METTL24: variants seen among roughly 807,000 people sequenced by gnomAD.
The protein encoded by METTL24 is methyltransferase like 24, also known as probable methyltransferase-like protein 24.
METTL24 carries 29 observed loss-of-function variants against 32.7 expected under a neutral mutation model. That is an observed-to-expected ratio of 0.89 (90% CI 0.66 to 1.21). The LOEUF (loss-of-function observed/expected upper bound fraction) is 1.21, where lower values mean the gene tolerates loss of function less well. Ranked by LOEUF, METTL24 falls within the 50% of genes most tolerant of loss-of-function variation. The pLI is 0.00. For missense variants in METTL24, 439 were observed against 468.1 expected (o/e 0.94, Z 0.57); for synonymous variants, 163 against 179.5 (o/e 0.91, Z 0.73).
intron 4 of METTL24, chr6:110,253,881 A>G: frequency 2.8e-6 from 4 of 1,439,198 alleles, no homozygotes; most frequent in Non-Finnish European, 3.7e-6. Flanking sequence ...TTTCTCTCAA[A>G]CAGAGTCCCT....
chr6:110,286,692 A>G (rs962755067), intron 4 of METTL24, among the ~76,000 whole-genome samples: 1 of 152,204 alleles, frequency 6.6e-6, no homozygotes, highest in Non-Finnish European at 1.5e-5. Context: ...TGTCAACTCA[A>G]TGTCGAATTG....
intron 3 of METTL24, among the ~76,000 whole-genome samples, chr6:110,305,967 C>T (rs1246499280): frequency 1.3e-5 from 2 of 152,322 alleles, no homozygotes; most frequent in East Asian, 3.9e-4. Flanking sequence ...AAATGTGGCA[C>T]ATATCCAATA....
intron 3 of METTL24, among the ~76,000 whole-genome samples, chr6:110,306,119 G>A (rs1232772354): frequency 6.6e-6 from 1 of 151,076 alleles, no homozygotes; most frequent in Non-Finnish European, 1.5e-5. Flanking sequence ...GAACATATGG[G>A]CACAGGGAGG....
intron 1 of METTL24, among the ~76,000 whole-genome samples, chr6:110,345,490 A>G (rs1041173639): frequency 2.0e-5 from 3 of 152,252 alleles, no homozygotes; most frequent in Non-Finnish European, 4.4e-5. Context: ...TGTTCATTGC[A>G]GCCCTATTCA....
intron 2 of METTL24, among the ~76,000 whole-genome samples, chr6:110,316,081 T>C (rs1454472873): frequency 6.6e-6 from 1 of 152,126 alleles, no homozygotes; most frequent in Non-Finnish European, 1.5e-5. Flanking sequence ...CAAGTGAAAG[T>C]AATAGGCAGT....
intron 4 of METTL24, among the ~76,000 whole-genome samples, chr6:110,269,905 T>A (rs183799770): frequency 5.9e-5 from 9 of 152,316 alleles, no homozygotes; most frequent in Admixed American, 5.2e-4. Flanking sequence ...TTGAGATTTC[T>A]CCTCTCTGAC....
intron 1 of METTL24, among the ~76,000 whole-genome samples, chr6:110,324,070 G>A (rs570871386): frequency 4.6e-5 from 7 of 152,090 alleles, no homozygotes; most frequent in Non-Finnish European, 8.8e-5. Context: ...TAGGTGACTC[G>A]GGGTTACATA....
chr6:110,259,565 G>A (rs1018415871), intron 4 of METTL24, among the ~76,000 whole-genome samples: 1 of 152,258 alleles, frequency 6.6e-6, no homozygotes, highest in Non-Finnish European at 1.5e-5. Flanking sequence ...ACAAAAGGCA[G>A]CAGAAACCTC....
intron 1 of METTL24, among the ~76,000 whole-genome samples, chr6:110,353,556 T>TG (rs2114782632): frequency 6.6e-6 from 1 of 150,918 alleles, no homozygotes; most frequent in East Asian, 1.9e-4. Flanking sequence ...TCTTTTTTTT[T>TG]TTTTTTTTTT....
intron 1 of METTL24, among the ~76,000 whole-genome samples, chr6:110,348,615 C>T (rs927684671): frequency 1.3e-5 from 2 of 152,218 alleles, no homozygotes; most frequent in South Asian, 4.1e-4. Flanking sequence ...ATAGCAAATG[C>T]TATAAAACAC....
chr6:110,284,074 C>A (rs1260756388), intron 4 of METTL24, among the ~76,000 whole-genome samples: 1 of 152,124 alleles, frequency 6.6e-6, no homozygotes, highest in African/African-American at 2.4e-5. Flanking sequence ...CCCCAATGAA[C>A]CTTGAAAACA....
In METTL24 at chr6:110,309,862, CAAAAAAAACA is replaced by C. The variant is rs1771687798; in HGVS notation, c.557+5470_557+5479del. ...AAGGGGTAAAATGTATTCTTAGGAG[CAAAAAAAACA>C]AAACAAAACAAAACAAAACAAAACA... is the stretch of plus-strand genomic sequence containing the variant. On this transcript the variant is annotated intron_variant, in intron 3 of 4. Coordinates refer to ENST00000338882, the MANE Select transcript of METTL24 (RefSeq NM_001123364.3). Among the ~76,000 whole-genome samples, 3 of 147,950 alleles carry C rather than the reference CAAAAAAAACA, an allele frequency of 2.0e-5. No individual in the cohort carries two copies. The South Asian group carries it at 6.4e-4, about 32-fold the overall frequency.
At chr6:110,316,565 T>C (rs1047291215) in intron 2 of METTL24, among the ~76,000 whole-genome samples, 7 of 152,250 alleles carry the variant, frequency 4.6e-5, no homozygotes, top group African/African-American at 1.4e-4. Flanking sequence ...CTTTCATCCA[T>C]TGGAAAACAT....
chr6:110,327,776 G>GA (rs1772041296), intron 1 of METTL24, among the ~76,000 whole-genome samples: 1 of 152,176 alleles, frequency 6.6e-6, no homozygotes, highest in Admixed American at 6.5e-5. Context: ...AGGTTAAATA[G>GA]AAAAGGACAA....
chr6:110,313,155 G>A (rs978908819), intron 3 of METTL24, among the ~76,000 whole-genome samples: 5 of 152,176 alleles, frequency 3.3e-5, no homozygotes, highest in Non-Finnish European at 7.3e-5. Flanking sequence ...TCTAATATTC[G>A]AAAGCAGAGT....
chr6:110,315,413 T>C lies in METTL24; in HGVS notation c.486A>G (p.Ser162=). The stretch of plus-strand genomic sequence containing the variant: ...AATTGAACCTGTCGTCAAGACACAC[T>C]GACCAGGGCTTGTGTGTAGGACTAG... The part of the protein sequence containing the change: ...TDSSPTHKPW[S]VCLDDRFNLA... Residue 162 remains serine, a synonymous_variant, in exon 3 of 5, where the codon TCA becomes TCG. Coordinates refer to ENST00000338882, the MANE Select transcript of METTL24 (RefSeq NM_001123364.3). 1 of 1,614,138 alleles carries C rather than the reference T, an allele frequency of 6.2e-7. No individual in the cohort carries two copies. The highest frequency in any genetic ancestry group is 8.5e-7 in the Non-Finnish European group (1 of 1,179,966).
At chr6:110,254,121 T>C in intron 4 of METTL24, 1 of 482,818 alleles carries the variant, frequency 2.1e-6, no homozygotes, top group Non-Finnish European at 3.4e-6. Flanking sequence ...AATGATTTAA[T>C]TTATTTAATC....
intron 4 of METTL24, among the ~76,000 whole-genome samples, chr6:110,284,240 C>T (rs1222599552): frequency 1.3e-5 from 2 of 152,054 alleles, no homozygotes; most frequent in Non-Finnish European, 2.9e-5. Context: ...TTAATGGGTA[C>T]AGGATTTCTG....
Position 110,311,446 on chromosome 6 carries a change from T to C in METTL24, c.557+3896A>G, listed in dbSNP as rs570840645. On this transcript the variant is annotated intron_variant, in intron 3 of 4. Transcript: ENST00000338882. The stretch of plus-strand genomic sequence containing the variant: ...GATGCTCTTTACAAAGTTGATTTTC[T>C]TTTCTTTTCTTTTCTTTCTTTGTTT... 3.3e-5 allele frequency among the ~76,000 whole-genome samples: 5 copies of C among 151,182 alleles called. 1 individual carries two copies. The South Asian group carries it at 1.0e-3, about 32-fold the overall frequency.
Sources: allele counts gnomAD v4.1 joint callset (sites outside exome capture counted in the v4.1 genomes callset), GRCh38; gene constraint gnomAD v4.1.1; transcripts MANE v1.5; gene names NCBI Gene and HGNC (gene_info 2026-07-23, HGNC 2026-07-21).